RNGTT: variants seen among roughly 807,000 people sequenced by gnomAD.
RNGTT encodes the protein mRNA-capping enzyme.
Under a neutral mutation model 79.3 loss-of-function variants are expected in RNGTT, and 33 were observed. That is an observed-to-expected ratio of 0.42 (90% CI 0.32 to 0.56). The LOEUF is 0.56. Among genes scored for constraint, RNGTT ranks in the 20% least tolerant of loss-of-function variants. RNGTT has a pLI of 0.17. For missense variants in RNGTT, 497 were observed against 739.1 expected, an observed-to-expected ratio of 0.67 and a Z score of 3.80; for synonymous variants, 222 against 235.9, an observed-to-expected ratio of 0.94 and a Z score of 0.54.
chr6:88,877,451 G>A (rs1782553229), intron 8 of RNGTT, among the ~76,000 whole-genome samples: 1 of 152,110 alleles, frequency 6.6e-6, no homozygotes, highest in Admixed American at 6.5e-5. Context: ...TTTCAAAAAT[G>A]CATTTTCTCA....
At position 88,802,182 on chromosome 6, in the gene RNGTT, C is replaced by T. The variant is rs144706092; in HGVS notation, c.1270-550G>A. 4.7e-3 allele frequency among the ~76,000 whole-genome samples: 722 copies of T among 152,230 alleles called. 5 individuals carry two copies. Among genetic ancestry groups the T allele is most frequent in the African/African-American group, 0.016 (670 of 41,548 alleles). On this transcript the variant is annotated intron_variant, in intron 11 of 15. Transcript: ENST00000369485. Reference sequence around the variant, plus strand: ...TTGCTTGGGGGCAAGAATTTGTAACCACAAACCAGCTCAAACATGGAGATT... The same window carrying T: ...TTGCTTGGGGGCAAGAATTTGTAACTACAAACCAGCTCAAACATGGAGATT...
At chr6:88,679,017 G>C (rs1582319089) in intron 13 of RNGTT, among the ~76,000 whole-genome samples, 1 of 151,978 alleles carries the variant, frequency 6.6e-6, no homozygotes, top group South Asian at 2.1e-4. Flanking sequence ...TGCCACCACG[G>C]AGACAGCAAG....
chr6:88,756,622 A>G (rs1041809583), intron 13 of RNGTT, among the ~76,000 whole-genome samples: 2 of 152,228 alleles, frequency 1.3e-5, no homozygotes, highest in Non-Finnish European at 2.9e-5. Context: ...ATTTTCAAGT[A>G]CACACTTAGA....
chr6:88,948,610 G>GT (rs1785116700), intron 1 of RNGTT, among the ~76,000 whole-genome samples: 1 of 146,676 alleles, frequency 6.8e-6, no homozygotes, highest in African/African-American at 2.5e-5. Flanking sequence ...TCTGGGAGGT[G>GT]TGCCCAACAG....
rs535948519 is a variant in RNGTT, at chr6:88,642,633, G to A, written c.1507-28238C>T. On this transcript the variant is annotated intron_variant, in intron 14 of 15. Coordinates refer to ENST00000369485, the MANE Select transcript of RNGTT (RefSeq NM_003800.5). ...AGAACAAAAAGGGTGGGGTTGGAAA[G>A]GCAGAAAAACCTGAGTTCTAATCTC... Among the ~76,000 whole-genome samples, 5 of 152,222 alleles carry A rather than the reference G, an allele frequency of 3.3e-5. No homozygotes were observed. The South Asian group carries it at 1.0e-3, about 32-fold the overall frequency.
intron 6 of RNGTT, among the ~76,000 whole-genome samples, chr6:88,897,693 G>A (rs375544603): frequency 1.4e-4 from 22 of 152,232 alleles, no homozygotes; most frequent in African/African-American, 5.1e-4. Flanking sequence ...CTCCTGAATG[G>A]CACCTGAGAA....
At chr6:88,783,747 T>C (rs1052871012) in intron 12 of RNGTT, among the ~76,000 whole-genome samples, 3 of 150,764 alleles carry the variant, frequency 2.0e-5, no homozygotes, top group African/African-American at 4.9e-5. Flanking sequence ...CTCTTTGTTG[T>C]GGGGGCTGTT....
intron 14 of RNGTT, among the ~76,000 whole-genome samples, chr6:88,615,116 T>A (rs1054890906): frequency 6.6e-6 from 1 of 152,244 alleles, no homozygotes; most frequent in Non-Finnish European, 1.5e-5. Context: ...TTCACTGGGC[T>A]GTGAGAATGG....
chr6:88,841,171 T>A (rs184090729), intron 11 of RNGTT, among the ~76,000 whole-genome samples: 1 of 152,296 alleles, frequency 6.6e-6, no homozygotes, highest in East Asian at 1.9e-4. Flanking sequence ...CAGGCTCTTG[T>A]AGGTACCCCC....
intron 13 of RNGTT, among the ~76,000 whole-genome samples, chr6:88,763,813 C>T (rs1778350777): frequency 6.6e-6 from 1 of 152,144 alleles, no homozygotes; most frequent in South Asian, 2.1e-4. Flanking sequence ...ACTCTACTTG[C>T]ACTATCAGTG....
At chr6:88,749,965 A>G (rs1415188613) in intron 13 of RNGTT, among the ~76,000 whole-genome samples, 1 of 152,132 alleles carries the variant, frequency 6.6e-6, no homozygotes, top group Non-Finnish European at 1.5e-5. Flanking sequence ...ATAGCACTTC[A>G]GTCTCTGCCT....
intron 14 of RNGTT, among the ~76,000 whole-genome samples, chr6:88,645,571 G>T (rs1773515757): frequency 6.6e-6 from 1 of 152,148 alleles, no homozygotes; most frequent in Non-Finnish European, 1.5e-5. Context: ...AAAGAACAAA[G>T]CTGGAGGCAT....
chr6:88,616,006 C>T (rs1346268164), intron 14 of RNGTT, among the ~76,000 whole-genome samples: 1 of 152,156 alleles, frequency 6.6e-6, no homozygotes, highest in East Asian at 1.9e-4. Context: ...CCCCCCTTCC[C>T]CTCTACCCAG....
intron 8 of RNGTT, among the ~76,000 whole-genome samples, chr6:88,879,076 C>A (rs1782608770): frequency 6.6e-6 from 1 of 152,104 alleles, no homozygotes; most frequent in Non-Finnish European, 1.5e-5. Flanking sequence ...CTATTAACCA[C>A]CTGGGGTAAC....
At chr6:88,700,380 T>C (rs749476276) in intron 13 of RNGTT, among the ~76,000 whole-genome samples, 3 of 152,206 alleles carry the variant, frequency 2.0e-5, no homozygotes, top group Non-Finnish European at 2.9e-5. Context: ...TCACCTGTTA[T>C]TTCTAGACAT....
At chr6:88,905,418 C>T (rs1783620994) in intron 5 of RNGTT, among the ~76,000 whole-genome samples, 1 of 152,198 alleles carries the variant, frequency 6.6e-6, no homozygotes, top group African/African-American at 2.4e-5. Flanking sequence ...TTGTGGAGAG[C>T]ATCTGAATGG....
chr6:88,917,201 T>C (rs1162816779), intron 4 of RNGTT, among the ~76,000 whole-genome samples: 1 of 152,230 alleles, frequency 6.6e-6, no homozygotes, highest in Non-Finnish European at 1.5e-5. Context: ...CATGCTACTT[T>C]TAAAATTTTT....
At chr6:88,830,088 C>T (rs948240715) in intron 11 of RNGTT, among the ~76,000 whole-genome samples, 9 of 152,132 alleles carry the variant, frequency 5.9e-5, no homozygotes, top group Non-Finnish European at 1.0e-4. Context: ...ACATAATGTA[C>T]GTTCTTCTCA....
chr6:88,923,277 A>G (rs550563316), intron 4 of RNGTT, among the ~76,000 whole-genome samples: 2 of 152,182 alleles, frequency 1.3e-5, no homozygotes, highest in South Asian at 4.1e-4. Context: ...TTTTTTTGTT[A>G]CCAAGGGAAG....
Sources: allele counts gnomAD v4.1 joint callset (sites outside exome capture counted in the v4.1 genomes callset), GRCh38; gene constraint gnomAD v4.1.1; transcripts MANE v1.5; gene names NCBI Gene and HGNC (gene_info 2026-07-23, HGNC 2026-07-21).